Variants in STK32A observed in about 807,000 individuals in gnomAD.
The protein encoded by STK32A is serine/threonine kinase 32A.
STK32A carries 41 observed loss-of-function variants against 53.2 expected under a neutral mutation model. The observed-to-expected ratio is 0.77, with a 90% CI of 0.60 to 1.00. STK32A has a LOEUF of 1.00. STK32A is among the 50% of genes least tolerant of loss of function. The pLI is 0.00. For synonymous variants in STK32A, 166 were observed against 162.8 expected (o/e 1.02, Z -0.15); for missense variants, 458 against 485.8 (o/e 0.94, Z 0.54).
chr5:147,327,006 A>G (rs1581098310), intron 5 of STK32A, among the ~76,000 whole-genome samples: 1 of 152,172 alleles, frequency 6.6e-6, no homozygotes, highest in South Asian at 2.1e-4. Flanking sequence ...GGTGTGAGTC[A>G]CCATGCCCAG....
At chr5:147,271,499 G>A (rs1418846388) in intron 2 of STK32A, among the ~76,000 whole-genome samples, 2 of 152,182 alleles carry the variant, frequency 1.3e-5, no homozygotes, top group African/African-American at 4.8e-5. Context: ...GAATAAGAGA[G>A]ATAACCTTAA....
chr5:147,279,276 G>C lies in STK32A; in HGVS notation c.138G>C (p.Lys46Asn). ...GCATTGTACAGAAGAATGATACCAAGAAGATGTACGCAATGAAGTACATGA... is the reference window on the plus strand; with the variant it reads ...GCATTGTACAGAAGAATGATACCAACAAGATGTACGCAATGAAGTACATGA... ...KVCIVQKNDT[K>N]KMYAMKYMNK... is the part of the protein sequence containing the mutation. Residue 46 changes from lysine to asparagine, a missense_variant, in exon 4 of 13, where the codon AAG (lysine) becomes AAC (asparagine). Transcript: ENST00000397936. 1 of 1,613,886 alleles carries C rather than the reference G, an allele frequency of 6.2e-7. No individual in the cohort carries two copies. The highest frequency in any genetic ancestry group is 8.5e-7 in the Non-Finnish European group (1 of 1,179,836).
intron 5 of STK32A, among the ~76,000 whole-genome samples, chr5:147,331,156 T>A (rs112196095): frequency 6.6e-6 from 1 of 152,180 alleles, no homozygotes; most frequent in African/African-American, 2.4e-5. Flanking sequence ...GAATGAGTCA[T>A]CTGGAAAGAT....
intron 5 of STK32A, among the ~76,000 whole-genome samples, chr5:147,333,027 G>T (rs950821470): frequency 2.6e-5 from 4 of 152,184 alleles, no homozygotes; most frequent in Admixed American, 2.6e-4. Context: ...TCGTTAATAT[G>T]CAACCTGTGA....
At chr5:147,244,238 C>A (rs550533271) in intron 2 of STK32A, among the ~76,000 whole-genome samples, 1 of 152,170 alleles carries the variant, frequency 6.6e-6, no homozygotes, top group Non-Finnish European at 1.5e-5. Flanking sequence ...AAGTCTGAGT[C>A]GTATTCCATT....
At chr5:147,399,812 A>G in the STK32A span, among the ~76,000 whole-genome samples, 1 of 152,224 alleles carries the variant, frequency 6.6e-6, no homozygotes, top group African/African-American at 2.4e-5. Context: ...AACTATTCCA[A>G]ATAGTGCCAG....
rs547080126 is a variant in STK32A at position 147,374,638 on chromosome 5, C to T, written c.904-452C>T. 8.5e-5 allele frequency among the ~76,000 whole-genome samples: 13 copies of T among 152,200 alleles called. 1 individual carries two copies. Among genetic ancestry groups the T allele is most frequent in the African/African-American group, 2.2e-4 (9 of 41,532 alleles). On this transcript the variant is annotated intron_variant, in intron 10 of 12. Coordinates refer to ENST00000397936, the MANE Select transcript of STK32A (RefSeq NM_001112724.2). The stretch of plus-strand genomic sequence containing the variant: ...CAATGCTGGCTCAAAAGAAGTTCTA[C>T]GTTATGCTTCTCTGACTTTAGTGTG...
rs11950432 is a variant in STK32A at position 147,313,358 on chromosome 5, G to A, written c.261-10540G>A. Among the ~76,000 whole-genome samples the A allele has an allele frequency of 7.0e-3, 1,065 of 152,322 alleles. 16 individuals carry two copies. Among genetic ancestry groups the A allele is most frequent in the African/African-American group, 0.023 (941 of 41,574 alleles). On this transcript the variant is annotated intron_variant, in intron 4 of 12. Transcript: ENST00000397936. ...CTGAATATTCATCAAGTGGGGACAGGTTGAGTAATCATGTGACATACATAA... is the reference window on the plus strand; with the variant it reads ...CTGAATATTCATCAAGTGGGGACAGATTGAGTAATCATGTGACATACATAA...
rs112802747 is a variant in STK32A, at chr5:147,240,695, T to A, written c.52+1009T>A. Among the ~76,000 whole-genome samples the A allele has an allele frequency of 3.9e-3, 599 of 152,374 alleles. 3 individuals are homozygous for A. Among genetic ancestry groups the A allele is most frequent in the African/African-American group, 0.013 (548 of 41,590 alleles). On this transcript the variant is annotated intron_variant, in intron 2 of 12. Coordinates refer to ENST00000397936, the MANE Select transcript of STK32A (RefSeq NM_001112724.2). The stretch of plus-strand genomic sequence containing the variant: ...AGTTTATTGGGTTAGAATGCAAGTT[T>A]GATTGCTGAAATGAAAACTACAAAT...
chr5:147,283,097 C>T (rs1752141355), intron 4 of STK32A, among the ~76,000 whole-genome samples: 1 of 152,140 alleles, frequency 6.6e-6, no homozygotes, highest in Non-Finnish European at 1.5e-5. Flanking sequence ...TCAACATTCT[C>T]TCAGACCACA....
chr5:147,395,360 T>C, the STK32A span, among the ~76,000 whole-genome samples: 2 of 152,172 alleles, frequency 1.3e-5, no homozygotes, highest in South Asian at 4.1e-4. Context: ...CTGACTGCCT[T>C]GTCTTACTTT....
chr5:147,315,729 A>G (rs932849679), intron 4 of STK32A, among the ~76,000 whole-genome samples: 1 of 152,200 alleles, frequency 6.6e-6, no homozygotes, highest in Non-Finnish European at 1.5e-5. Flanking sequence ...AAATTATATG[A>G]TATGTATATT....
chr5:147,281,603 A>T (rs1312853348), intron 4 of STK32A, among the ~76,000 whole-genome samples: 2 of 151,644 alleles, frequency 1.3e-5, no homozygotes, highest in Non-Finnish European at 2.9e-5. Flanking sequence ...AAGAAGTCTG[A>T]TATTATGTTA....
intron 2 of STK32A, among the ~76,000 whole-genome samples, chr5:147,264,911 T>C (rs2086870740): frequency 6.6e-6 from 1 of 151,960 alleles, no homozygotes; most frequent in South Asian, 2.1e-4. Context: ...TTAGAACTAT[T>C]TGATTATTTA....
At chr5:147,286,288 G>T (rs985423367) in intron 4 of STK32A, among the ~76,000 whole-genome samples, 12 of 152,006 alleles carry the variant, frequency 7.9e-5, no homozygotes, top group African/African-American at 2.7e-4. Flanking sequence ...GAGTGGGAGG[G>T]GGGCGAGGGA....
intron 1 of STK32A, among the ~76,000 whole-genome samples, chr5:147,236,392 G>GCAGA (rs2151935786): frequency 6.6e-6 from 1 of 152,216 alleles, no homozygotes; most frequent in Admixed American, 6.5e-5. Context: ...AGGTAACACT[G>GCAGA]CAGACCTAGT....
rs138770676 is a variant in STK32A, at chr5:147,286,013, G to T, written c.260+6615G>T. On this transcript the variant is annotated intron_variant, in intron 4 of 12. Transcript: ENST00000397936. ...CACATGCATGTTTACAGAGCACAGA[G>T]TTGCAACCCAAATGCCCATCAATCA... 2.8e-4 allele frequency among the ~76,000 whole-genome samples: 42 copies of T among 151,918 alleles called. No individual in the cohort carries two copies. In the East Asian group the frequency reaches 3.1e-3, roughly 11 times the overall value.
chr5:147,343,075 A>G (rs764642623), intron 6 of STK32A, 32 bp downstream of exon 6: 3 of 1,610,326 alleles, frequency 1.9e-6, no homozygotes, highest in Non-Finnish European at 2.5e-6. Flanking sequence ...AATCAAGTAC[A>G]TGACATGCAT....
intron 9 of STK32A, among the ~76,000 whole-genome samples, chr5:147,372,964 G>A (rs1654249673): frequency 6.6e-6 from 1 of 152,112 alleles, no homozygotes; most frequent in African/African-American, 2.4e-5. Flanking sequence ...AGTAGGACAA[G>A]CCATTTTTAC....
Sources: gnomAD v4.1 joint callset for allele counts (sites outside exome capture counted in the v4.1 genomes callset) on GRCh38, gnomAD v4.1.1 for gene constraint, MANE v1.5 for transcripts, NCBI Gene and HGNC (gene_info 2026-07-23, HGNC 2026-07-21) for gene names.